Variants in ZCWPW2 observed in about 807,000 individuals in gnomAD.
ZCWPW2 encodes zinc finger CW-type and PWWP domain containing 2, also known as zinc finger CW-type PWWP domain protein 2.
In ZCWPW2, 45 loss-of-function variants were observed where a neutral mutation model predicts 46.6. That is an observed-to-expected ratio of 0.96 (90% confidence interval 0.76 to 1.24). The LOEUF is 1.24. Ranked by LOEUF, ZCWPW2 falls within the 50% of genes most tolerant of loss-of-function variation. The pLI is 0.00. For missense variants in ZCWPW2, 429 were observed against 403.9 expected (o/e 1.06, Z -0.53); for synonymous variants, 152 against 137.1 (o/e 1.11, Z -0.76).
At chr3:28,454,612 A>G (rs1204819270) in intron 4 of ZCWPW2, among the ~76,000 whole-genome samples, 2 of 152,010 alleles carry the variant, frequency 1.3e-5, no homozygotes, top group Non-Finnish European at 2.9e-5. Flanking sequence ...TCCCCTATCT[A>G]TTCTTCCCTA....
chr3:28,426,081 C>T (rs1420110489), intron 3 of ZCWPW2, among the ~76,000 whole-genome samples: 3 of 151,774 alleles, frequency 2.0e-5, no homozygotes, highest in African/African-American at 7.3e-5. Flanking sequence ...TGCACTCCTG[C>T]CTGGGCAACA....
intron 3 of ZCWPW2, among the ~76,000 whole-genome samples, chr3:28,426,315 T>A (rs1235396352): frequency 6.6e-6 from 1 of 151,438 alleles, no homozygotes; most frequent in Non-Finnish European, 1.5e-5. Flanking sequence ...AGAAAAAAAA[T>A]GGTGCATATC....
At chr3:28,512,218 C>T (rs1255944400) in intron 6 of ZCWPW2, among the ~76,000 whole-genome samples, 1 of 151,676 alleles carries the variant, frequency 6.6e-6, no homozygotes, top group African/African-American at 2.4e-5. Flanking sequence ...TGCTCTGTCA[C>T]CCAGGCTGGA....
intron 4 of ZCWPW2, among the ~76,000 whole-genome samples, chr3:28,437,858 G>A (rs1013798871): frequency 2.6e-5 from 4 of 152,158 alleles, no homozygotes; most frequent in African/African-American, 9.7e-5. Flanking sequence ...AGATGGTAGA[G>A]TAGGAAGCAC....
At chr3:28,410,162 C>G (rs1243343820) in intron 2 of ZCWPW2, among the ~76,000 whole-genome samples, 1 of 151,924 alleles carries the variant, frequency 6.6e-6, no homozygotes, top group African/African-American at 2.4e-5. Flanking sequence ...GAAGAATTCA[C>G]CAACAAGATG....
intron 2 of ZCWPW2, among the ~76,000 whole-genome samples, chr3:28,394,582 G>A (rs1161332873): frequency 6.6e-6 from 1 of 151,946 alleles, no homozygotes; most frequent in Non-Finnish European, 1.5e-5. Context: ...TAAGCAAGAG[G>A]AAGAGACCAG....
chr3:28,420,172 T>G (rs923210264), intron 3 of ZCWPW2, among the ~76,000 whole-genome samples: 17 of 152,166 alleles, frequency 1.1e-4, no homozygotes, highest in African/African-American at 4.1e-4. Context: ...ATTTCTTGCC[T>G]TCTGCTAGCT....
At chr3:28,481,380 AT>A (rs1157182304) in intron 5 of ZCWPW2, among the ~76,000 whole-genome samples, 1 of 151,926 alleles carries the variant, frequency 6.6e-6, no homozygotes, top group African/African-American at 2.4e-5. Context: ...AGTAGCTGGG[AT>A]TACAGGTGCC....
At chr3:28,446,631 TAAATCC>T (rs1698000656) in intron 4 of ZCWPW2, among the ~76,000 whole-genome samples, 1 of 150,932 alleles carries the variant, frequency 6.6e-6, no homozygotes, top group Non-Finnish European at 1.5e-5. Context: ...AAAGAAAAAC[TAAATCC>T]AAAGCTACTA....
intron 8 of ZCWPW2, among the ~76,000 whole-genome samples, chr3:28,517,318 G>A (rs904289850): frequency 1.3e-5 from 2 of 152,144 alleles, no homozygotes; most frequent in African/African-American, 2.4e-5. Context: ...TAAGAAAAGA[G>A]GTTTTAATTG....
intron 1 of ZCWPW2, among the ~76,000 whole-genome samples, chr3:28,356,015 A>C (rs1487398206): frequency 2.0e-5 from 3 of 152,248 alleles, no homozygotes; most frequent in Admixed American, 2.0e-4. Context: ...TAATTAAACT[A>C]AAGAGCTTCT....
chr3:28,400,789 C>A (rs538361700), intron 2 of ZCWPW2, among the ~76,000 whole-genome samples: 1 of 152,158 alleles, frequency 6.6e-6, no homozygotes, highest in Non-Finnish European at 1.5e-5. Context: ...TGCTAAAAAA[C>A]GCTCTAAATC....
At chr3:28,435,742 T>G (rs547513707) in intron 4 of ZCWPW2, among the ~76,000 whole-genome samples, 1 of 152,214 alleles carries the variant, frequency 6.6e-6, no homozygotes, top group Non-Finnish European at 1.5e-5. Context: ...CGCCCCGGCC[T>G]CCGAAAGTGC....
intron 4 of ZCWPW2, 115 bp downstream of exon 4, chr3:28,435,384 C>T: frequency 1.1e-6 from 1 of 873,254 alleles, no homozygotes; most frequent in Non-Finnish European, 1.6e-6. Flanking sequence ...ATAATGTATG[C>T]TGTTTATTTA....
intron 1 of ZCWPW2, among the ~76,000 whole-genome samples, chr3:28,371,388 A>T (rs1364950777): frequency 6.6e-6 from 1 of 152,202 alleles, no homozygotes; most frequent in Non-Finnish European, 1.5e-5. Flanking sequence ...GGGTCAGTGG[A>T]TAGAAAATTA....
chr3:28,429,259 T>A (rs977604580), intron 3 of ZCWPW2, among the ~76,000 whole-genome samples: 1 of 152,160 alleles, frequency 6.6e-6, no homozygotes, highest in African/African-American at 2.4e-5. Context: ...TAAAGGTGAC[T>A]CTTACTATGC....
At chr3:28,487,227 C>T (rs1383320567) in intron 5 of ZCWPW2, among the ~76,000 whole-genome samples, 1 of 151,812 alleles carries the variant, frequency 6.6e-6, no homozygotes, top group East Asian at 1.9e-4. Flanking sequence ...TTCTGGTATG[C>T]CTATTACATG....
chr3:28,448,298 G>T (rs965683576), intron 4 of ZCWPW2, among the ~76,000 whole-genome samples: 3 of 151,954 alleles, frequency 2.0e-5, no homozygotes, highest in African/African-American at 7.3e-5. Flanking sequence ...CATACACTAA[G>T]AATGCCAAAA....
intron 5 of ZCWPW2, among the ~76,000 whole-genome samples, chr3:28,482,687 C>G (rs965109470): frequency 1.3e-5 from 2 of 152,136 alleles, no homozygotes; most frequent in Non-Finnish European, 1.5e-5. Flanking sequence ...TGGGTTTTGG[C>G]CACTCTAGTA....
Sources: allele counts gnomAD v4.1 joint callset (sites outside exome capture counted in the v4.1 genomes callset), GRCh38; gene constraint gnomAD v4.1.1; transcripts MANE v1.5; gene names NCBI Gene and HGNC (gene_info 2026-07-23, HGNC 2026-07-21).